PCSK2: variants seen among roughly 807,000 people sequenced by gnomAD.
The protein encoded by PCSK2 is proprotein convertase subtilisin/kexin type 2.
Under a neutral mutation model 69.7 loss-of-function variants are expected in PCSK2, and 14 were observed. That is an observed-to-expected ratio of 0.20 (90% CI 0.13 to 0.31). The LOEUF is 0.31. PCSK2 is among the 10% of genes least tolerant of loss of function. The pLI, the probability that PCSK2 is intolerant of heterozygous loss-of-function variation, is 1.00. For synonymous variants in PCSK2, 307 were observed against 320.7 expected (o/e 0.96, Z 0.46); for missense variants, 544 against 842.5 (o/e 0.65, Z 4.39).
At chr20:17,374,275 C>T (rs1362946728) in intron 5 of PCSK2, among the ~76,000 whole-genome samples, 1 of 152,140 alleles carries the variant, frequency 6.6e-6, no homozygotes, top group Non-Finnish European at 1.5e-5. Flanking sequence ...CAGGGAGGTT[C>T]GTTGTCTCTT....
At chr20:17,332,609 G>C (rs1244633389) in intron 2 of PCSK2, among the ~76,000 whole-genome samples, 2 of 152,180 alleles carry the variant, frequency 1.3e-5, no homozygotes, top group African/African-American at 4.8e-5. Flanking sequence ...GATTTTCTAA[G>C]ACCCTGCTCC....
chr20:17,284,663 C>T (rs183482361), intron 2 of PCSK2, among the ~76,000 whole-genome samples: 34 of 152,198 alleles, frequency 2.2e-4, no homozygotes, highest in Middle Eastern at 3.4e-3. Context: ...GTTTGTTGCC[C>T]GATGTGCATG....
chr20:17,353,023 A>G (rs1245700986), intron 2 of PCSK2, among the ~76,000 whole-genome samples: 3 of 152,226 alleles, frequency 2.0e-5, no homozygotes, highest in African/African-American at 7.2e-5. Flanking sequence ...TAAAATGGGC[A>G]AAGGACATCA....
chr20:17,472,150 G>A (rs1433056237), intron 11 of PCSK2, among the ~76,000 whole-genome samples: 1 of 152,242 alleles, frequency 6.6e-6, no homozygotes, highest in Non-Finnish European at 1.5e-5. Flanking sequence ...CCAGCTGGGA[G>A]TGACCTGTCT....
intron 2 of PCSK2, among the ~76,000 whole-genome samples, chr20:17,268,260 C>T (rs1000465918): frequency 2.0e-5 from 3 of 151,904 alleles, no homozygotes; most frequent in Non-Finnish European, 4.4e-5. Context: ...CAAAGTCCTC[C>T]TCCCAGGGGG....
At chr20:17,297,535 G>A (rs1988934385) in intron 2 of PCSK2, among the ~76,000 whole-genome samples, 1 of 152,226 alleles carries the variant, frequency 6.6e-6, no homozygotes, top group Non-Finnish European at 1.5e-5. Context: ...TGCACTTCAG[G>A]CTGCAGGAGG....
At chr20:17,236,392 GTTACATATA>G in intron 1 of PCSK2, among the ~76,000 whole-genome samples, 1 of 152,116 alleles carries the variant, frequency 6.6e-6, no homozygotes, top group South Asian at 2.1e-4. Context: ...TGGTAGATAG[GTTACATATA>G]TTTAATTACA....
chr20:17,371,742 A>T (rs956411460), intron 5 of PCSK2, among the ~76,000 whole-genome samples: 1 of 152,024 alleles, frequency 6.6e-6, no homozygotes, highest in African/African-American at 2.4e-5. Flanking sequence ...ATGTTATTAA[A>T]TATTCTCCAA....
intron 8 of PCSK2, among the ~76,000 whole-genome samples, chr20:17,438,905 C>G (rs2032540695): frequency 6.6e-6 from 1 of 152,154 alleles, no homozygotes; most frequent in African/African-American, 2.4e-5. Flanking sequence ...GAGTTCCTTC[C>G]CCTCTGTATC....
intron 1 of PCSK2, among the ~76,000 whole-genome samples, chr20:17,247,771 G>C (rs1318011659): frequency 2.0e-5 from 3 of 152,228 alleles, no homozygotes; most frequent in Non-Finnish European, 4.4e-5. Context: ...GAGAACTCTA[G>C]TGTTTAAAAG....
At chr20:17,232,527 T>C (rs561158652) in intron 1 of PCSK2, among the ~76,000 whole-genome samples, 1 of 152,348 alleles carries the variant, frequency 6.6e-6, no homozygotes, top group East Asian at 1.9e-4. Context: ...GTTTTTCTTT[T>C]GGGTTGTCCA....
At chr20:17,480,272 C>T (rs1381616172) in intron 11 of PCSK2, among the ~76,000 whole-genome samples, 2 of 147,300 alleles carry the variant, frequency 1.4e-5, no homozygotes, top group Non-Finnish European at 3.0e-5. Context: ...TCACTGCAAG[C>T]TCCGCCTCCC....
intron 6 of PCSK2, among the ~76,000 whole-genome samples, chr20:17,417,213 T>C (rs1461475753): frequency 6.6e-6 from 1 of 152,128 alleles, no homozygotes; most frequent in African/African-American, 2.4e-5. Context: ...ACTAAGGAAA[T>C]GTCTTCTCTC....
At chr20:17,349,883 C>T (rs972186956) in intron 2 of PCSK2, among the ~76,000 whole-genome samples, 1 of 152,158 alleles carries the variant, frequency 6.6e-6, no homozygotes, top group African/African-American at 2.4e-5. Context: ...CAGTTCCCTG[C>T]TCTGGTGGTT....
rs796767134 is a variant in PCSK2, at chr20:17,338,282, C to G, written c.283-20045C>G. 7.9e-5 allele frequency among the ~76,000 whole-genome samples: 12 copies of G among 151,998 alleles called. No individual in the cohort carries two copies. In the East Asian group the frequency reaches 2.3e-3, roughly 30 times the overall value. ...TTCCATGTCAGATCACTGCAACCTCCGCCTCCCAGGTTCAAGCAGTTCTCC... is the reference window on the plus strand; with the variant it reads ...TTCCATGTCAGATCACTGCAACCTCGGCCTCCCAGGTTCAAGCAGTTCTCC... On this transcript the variant is annotated intron_variant, in intron 2 of 11. Coordinates refer to ENST00000262545, the MANE Select transcript of PCSK2 (RefSeq NM_002594.5).
At chr20:17,316,826 CTGTGG>C (rs1989704348) in intron 2 of PCSK2, among the ~76,000 whole-genome samples, 1 of 152,098 alleles carries the variant, frequency 6.6e-6, no homozygotes, top group Non-Finnish European at 1.5e-5. Flanking sequence ...AGGAGATTTC[CTGTGG>C]CATTATAAGA....
At chr20:17,465,243 A>T (rs2033080239) in intron 10 of PCSK2, 83 bp from the exon 11 acceptor site, 1 of 936,824 alleles carries the variant, frequency 1.1e-6, no homozygotes, top group African/African-American at 1.6e-5. Context: ...CCTGAGTAAT[A>T]TTTCTCTTAA....
At chr20:17,278,820 G>A (rs1988194943) in intron 2 of PCSK2, among the ~76,000 whole-genome samples, 1 of 151,698 alleles carries the variant, frequency 6.6e-6, no homozygotes, top group Non-Finnish European at 1.5e-5. Context: ...TTCAAGACCA[G>A]CCTGGGCAAC....
chr20:17,477,926 T>C (rs2033320603), intron 11 of PCSK2, among the ~76,000 whole-genome samples: 1 of 152,234 alleles, frequency 6.6e-6, no homozygotes, highest in Admixed American at 6.5e-5. Flanking sequence ...AACCTGCTAA[T>C]GATTGTATAC....
Sources: gnomAD v4.1 joint callset for allele counts (sites outside exome capture counted in the v4.1 genomes callset) on GRCh38, gnomAD v4.1.1 for gene constraint, MANE v1.5 for transcripts, NCBI Gene and HGNC (gene_info 2026-07-23, HGNC 2026-07-21) for gene names.